Variants in PRCP observed in about 807,000 individuals in gnomAD.
PRCP encodes lysosomal Pro-X carboxypeptidase.
Under a neutral mutation model 54.2 loss-of-function variants are expected in PRCP, and 46 were observed. That is an observed-to-expected ratio of 0.85 (90% confidence interval 0.67 to 1.09). The LOEUF (loss-of-function observed/expected upper bound fraction) is 1.09, where lower values mean the gene tolerates loss of function less well. Ranked by LOEUF, PRCP falls within the 50% of genes least tolerant of loss-of-function variation. PRCP has a pLI of 0.00. For synonymous variants in PRCP, 240 were observed against 212.2 expected, an observed-to-expected ratio of 1.13 and a Z score of -1.14; for missense variants, 613 against 596.8, an observed-to-expected ratio of 1.03 and a Z score of -0.28.
chr11:82,827,380 T>G (rs1297211522), intron 8 of PRCP: 1 of 152,206 alleles, frequency 6.6e-6, no homozygotes, highest in African/African-American at 2.4e-5. Flanking sequence ...CTCTATGAGA[T>G]TTATCATTTT....
intron 4 of PRCP, 43 bp from the exon 5 acceptor site, chr11:82,850,114 AAT>A (rs57878596): frequency 4.0e-4 from 323 of 814,966 alleles, no homozygotes; most frequent in Middle Eastern, 1.3e-3. Flanking sequence ...GAAAAGAAAA[AAT>A]ATATATATAT....
In PRCP at chr11:82,839,314, T is replaced by G. The variant is rs770782185; in HGVS notation, c.1033A>C (p.Asn345His). 9 of 1,614,078 alleles carry G rather than the reference T, an allele frequency of 5.6e-6. No homozygotes were observed. Among genetic ancestry groups the G allele is most frequent in the Non-Finnish European group, 7.6e-6 (9 of 1,179,984 alleles). The stretch of plus-strand genomic sequence containing the variant: ...CTGCTAGTTGCTGTCTCTGAAATAT[T>G]CAGGCATTTCACCTGGCCCGAATAA... ...YNYSGQVKCL[N>H]ISETATSSLG... Residue 345 changes from asparagine (N) to histidine (H), a missense_variant, in exon 7 of 9, where the codon AAT becomes CAT. Transcript: ENST00000313010.
At chr11:82,836,934 A>G (rs1311261720) in intron 8 of PRCP, 4 of 373,876 alleles carry the variant, frequency 1.1e-5, no homozygotes, top group Non-Finnish European at 2.1e-5. Context: ...ATTCCCATAG[A>G]AACAGAAAAT....
intron 1 of PRCP, among the ~76,000 whole-genome samples, chr11:82,868,144 T>A (rs1331400785): frequency 1.3e-5 from 2 of 152,112 alleles, no homozygotes; most frequent in African/African-American, 4.8e-5. Flanking sequence ...TAAAAGAGAA[T>A]GAGGGGATTC....
intron 1 of PRCP, among the ~76,000 whole-genome samples, chr11:82,894,457 G>A (rs912748968): frequency 2.0e-5 from 3 of 152,118 alleles, no homozygotes; most frequent in Admixed American, 6.5e-5. Flanking sequence ...TGTTCCTAAC[G>A]CAGTGCCCTA....
At chr11:82,882,380 G>A (rs1471424962) in intron 1 of PRCP, among the ~76,000 whole-genome samples, 1 of 152,104 alleles carries the variant, frequency 6.6e-6, no homozygotes, top group African/African-American at 2.4e-5. Flanking sequence ...AACCTGTTTT[G>A]GACACCTGAG....
chr11:82,895,310 G>A (rs1396929304), intron 1 of PRCP, among the ~76,000 whole-genome samples: 1 of 152,120 alleles, frequency 6.6e-6, no homozygotes, highest in East Asian at 1.9e-4. Flanking sequence ...GCCTCTAAAT[G>A]GTATGCTTTA....
intron 1 of PRCP, among the ~76,000 whole-genome samples, chr11:82,871,958 G>C (rs2121212744): frequency 6.6e-6 from 1 of 152,322 alleles, no homozygotes; most frequent in East Asian, 1.9e-4. Context: ...CCATGGTTTT[G>C]CTTTCTGCAG....
chr11:82,891,492 G>A (rs141568798), intron 1 of PRCP, among the ~76,000 whole-genome samples: 127 of 152,216 alleles, frequency 8.3e-4, no homozygotes, highest in African/African-American at 2.9e-3. Flanking sequence ...AGCTCCAAAG[G>A]CTTCTCATCT....
At chr11:82,843,589 C>A (rs1232196211) in intron 6 of PRCP, among the ~76,000 whole-genome samples, 1 of 89,796 alleles carries the variant, frequency 1.1e-5, no homozygotes, top group East Asian at 2.5e-4. Flanking sequence ...CCATCTCTGT[C>A]CAAAATACTC....
chr11:82,849,139 G>A lies in PRCP; in HGVS notation c.831C>T (p.Asp277=). The change falls in exon 6 of 9, where the codon GAC becomes GAT. Residue 277 remains aspartate, a synonymous_variant. Transcript: ENST00000313010. ...LTSQDIQHLK[D]WISETWVNLA... The stretch of plus-strand genomic sequence containing the variant: ...GATTCACCCAGGTTTCAGAGATCCA[G>A]TCTTTCAAATGTTGGATGTCCTGAG... 6.2e-7 allele frequency: 1 copy of A among 1,614,106 alleles called. No individual in the cohort carries two copies. Among genetic ancestry groups the A allele is most frequent in the South Asian group, 1.1e-5 (1 of 91,086 alleles).
At chr11:82,883,774 G>C (rs950876261) in intron 1 of PRCP, among the ~76,000 whole-genome samples, 1 of 152,200 alleles carries the variant, frequency 6.6e-6, no homozygotes, top group African/African-American at 2.4e-5. Context: ...ACCCAAGGTT[G>C]CTTAATGAAA....
chr11:82,873,728 TG>T, intron 1 of PRCP, among the ~76,000 whole-genome samples: 1 of 152,364 alleles, frequency 6.6e-6, no homozygotes, highest in Non-Finnish European at 1.5e-5. Context: ...GAATCTTCTG[TG>T]AATGATACCA....
intron 1 of PRCP, among the ~76,000 whole-genome samples, chr11:82,890,094 AC>A (rs1259144976): frequency 6.6e-6 from 1 of 152,160 alleles, no homozygotes; most frequent in East Asian, 1.9e-4. Context: ...CCACAGCCAT[AC>A]CCAAGAAACT....
intron 1 of PRCP, among the ~76,000 whole-genome samples, chr11:82,888,858 T>G (rs1467936212): frequency 6.6e-6 from 1 of 152,066 alleles, no homozygotes; most frequent in Non-Finnish European, 1.5e-5. Flanking sequence ...AAGATAGAGA[T>G]TCATCAGATT....
At chr11:82,829,944 C>T (rs1463389043) in intron 8 of PRCP, 1 of 152,094 alleles carries the variant, frequency 6.6e-6, no homozygotes, top group Non-Finnish European at 1.5e-5. Flanking sequence ...TAACCTTCAG[C>T]TGTGTGTTAA....
chr11:82,895,046 A>T (rs900774705), intron 1 of PRCP, among the ~76,000 whole-genome samples: 5 of 152,232 alleles, frequency 3.3e-5, no homozygotes, highest in East Asian at 1.9e-4. Context: ...TATTGATTTT[A>T]AAAAAGTGAA....
chr11:82,825,941 C>T (rs1858221447), intron 8 of PRCP: 1 of 152,156 alleles, frequency 6.6e-6, no homozygotes, highest in South Asian at 2.1e-4. Flanking sequence ...GACAGCATCC[C>T]TAATAATATT....
chr11:82,874,589 G>C (rs1442793231), intron 1 of PRCP, among the ~76,000 whole-genome samples: 1 of 151,020 alleles, frequency 6.6e-6, no homozygotes, highest in African/African-American at 2.4e-5. Flanking sequence ...CACTCAGGAG[G>C]ATGAAGTGGG....
Sources: gnomAD v4.1 joint callset for allele counts (sites outside exome capture counted in the v4.1 genomes callset) on GRCh38, gnomAD v4.1.1 for gene constraint, MANE v1.5 for transcripts, NCBI Gene and HGNC (gene_info 2026-07-23, HGNC 2026-07-21) for gene names.